Variants in NTRK2 observed in about 807,000 individuals in gnomAD.
NTRK2 encodes BDNF/NT-3 growth factors receptor.
In NTRK2, 13 loss-of-function variants were observed where a neutral mutation model predicts 94.5. That is an observed-to-expected ratio of 0.14 (90% confidence interval 0.09 to 0.22). The LOEUF (loss-of-function observed/expected upper bound fraction) is 0.22, where lower values mean the gene tolerates loss of function less well. Among genes scored for constraint, NTRK2 ranks in the 10% least tolerant of loss-of-function variants. The pLI is 1.00. For synonymous variants in NTRK2, 372 were observed against 407.4 expected (o/e 0.91, Z 1.05); for missense variants, 639 against 1,071.2 (o/e 0.60, Z 5.63).
chr9:84,675,955 A>G (rs1045972196), intron 2 of NTRK2, among the ~76,000 whole-genome samples: 1 of 152,184 alleles, frequency 6.6e-6, no homozygotes, highest in Non-Finnish European at 1.5e-5. Flanking sequence ...GATCTGGGAG[A>G]TGGATGAGTG....
chr9:84,763,407 T>G (rs1259558229), intron 12 of NTRK2, among the ~76,000 whole-genome samples: 1 of 152,186 alleles, frequency 6.6e-6, no homozygotes, highest in African/African-American at 2.4e-5. Flanking sequence ...AAAATGATTT[T>G]TTCTGATTTC....
chr9:84,786,999 A>T (rs977977418), intron 12 of NTRK2, among the ~76,000 whole-genome samples: 12 of 148,192 alleles, frequency 8.1e-5, no homozygotes, highest in Admixed American at 1.3e-4. Context: ...AATGCAGATT[A>T]AAAAAAATGA....
At chr9:84,788,754 C>G (rs1588610517) in intron 12 of NTRK2, among the ~76,000 whole-genome samples, 1 of 151,988 alleles carries the variant, frequency 6.6e-6, no homozygotes, top group East Asian at 1.9e-4. Flanking sequence ...TGGGATGGGC[C>G]TAAAGTGGAT....
At chr9:84,976,510 G>A (rs535901372) in intron 17 of NTRK2, among the ~76,000 whole-genome samples, 20 of 152,304 alleles carry the variant, frequency 1.3e-4, no homozygotes, top group East Asian at 3.9e-4. Context: ...CTGAATTACC[G>A]TAGTGCTAGA....
At chr9:84,968,609 A>C (rs1825836541) in intron 17 of NTRK2, among the ~76,000 whole-genome samples, 1 of 152,166 alleles carries the variant, frequency 6.6e-6, no homozygotes, top group Non-Finnish European at 1.5e-5. Context: ...GGCAGACAGC[A>C]GACTTGGATT....
intron 14 of NTRK2, among the ~76,000 whole-genome samples, chr9:84,908,481 GC>G (rs1379959923): frequency 6.6e-6 from 1 of 152,058 alleles, no homozygotes; most frequent in Non-Finnish European, 1.5e-5. Flanking sequence ...AGATCTAATT[GC>G]TTTTTTAATG....
chr9:84,820,739 C>T (rs914524319), intron 12 of NTRK2, among the ~76,000 whole-genome samples: 14 of 152,246 alleles, frequency 9.2e-5, no homozygotes, highest in African/African-American at 1.4e-4. Flanking sequence ...GTGTGTATGT[C>T]GGCCAGTGAG....
At chr9:84,681,793 T>G (rs1285705165) in intron 2 of NTRK2, among the ~76,000 whole-genome samples, 1 of 152,182 alleles carries the variant, frequency 6.6e-6, no homozygotes, top group Non-Finnish European at 1.5e-5. Flanking sequence ...CAGTGTCTCT[T>G]AAAATAATGC....
At chr9:84,757,522 G>T (rs1271446726) in intron 12 of NTRK2, among the ~76,000 whole-genome samples, 2 of 152,160 alleles carry the variant, frequency 1.3e-5, no homozygotes, top group African/African-American at 4.8e-5. Context: ...CAGGCTACTT[G>T]GATCTGAAAC....
At chr9:84,706,300 C>T (rs1369083519) in intron 4 of NTRK2, among the ~76,000 whole-genome samples, 1 of 151,994 alleles carries the variant, frequency 6.6e-6, no homozygotes, top group Non-Finnish European at 1.5e-5. Context: ...AGTGGACACA[C>T]ACATTCATGA....
intron 14 of NTRK2, among the ~76,000 whole-genome samples, chr9:84,886,226 A>G (rs1212547656): frequency 6.6e-6 from 1 of 152,220 alleles, no homozygotes. Context: ...GCAGTGCCAC[A>G]CAAAGAAATT....
intron 12 of NTRK2, chr9:84,813,564 C>T (rs200205697): frequency 2.6e-4 from 282 of 1,065,296 alleles, no homozygotes; most frequent in Middle Eastern, 4.1e-4. Flanking sequence ...AGTTTAACAG[C>T]CCAGTTATCT....
At chr9:84,813,404 A>G in intron 12 of NTRK2, 1 of 1,063,256 alleles carries the variant, frequency 9.4e-7, no homozygotes, top group Non-Finnish European at 1.1e-6. Context: ...GTAAGCCAAC[A>G]AAAGTCTGTG....
intron 17 of NTRK2, among the ~76,000 whole-genome samples, chr9:84,999,329 T>C (rs1159920418): frequency 1.3e-5 from 2 of 152,236 alleles, no homozygotes; most frequent in Non-Finnish European, 2.9e-5. Flanking sequence ...AAAGCCTCTC[T>C]CTTTTTGTAT....
At chr9:85,016,118 A>G (rs1460886007) in intron 17 of NTRK2, among the ~76,000 whole-genome samples, 3 of 152,142 alleles carry the variant, frequency 2.0e-5, no homozygotes, top group Non-Finnish European at 4.4e-5. Context: ...ATGGATGATT[A>G]CGGTGGCACT....
At chr9:84,909,629 T>G (rs556753355) in intron 14 of NTRK2, among the ~76,000 whole-genome samples, 12 of 152,286 alleles carry the variant, frequency 7.9e-5, no homozygotes, top group Non-Finnish European at 1.5e-4. Context: ...GCCATTCTGA[T>G]AGGTATGTAA....
chr9:84,706,547 T>TTTTTGG (rs2061102939), intron 4 of NTRK2, among the ~76,000 whole-genome samples: 1 of 145,124 alleles, frequency 6.9e-6, no homozygotes. Flanking sequence ...TTTTTTTTTT[T>TTTTTGG]GAGACGGAGT....
chr9:84,800,546 G>A (rs905520846), intron 12 of NTRK2, among the ~76,000 whole-genome samples: 3 of 152,152 alleles, frequency 2.0e-5, no homozygotes, highest in Non-Finnish European at 4.4e-5. Context: ...TTCCTCAGTC[G>A]AGGAATGCAG....
rs952779802 is a variant in NTRK2, at chr9:85,024,861, A to T, written c.*3424A>T. On this transcript the variant is annotated 3_prime_UTR_variant, in exon 19 of 19. Coordinates refer to ENST00000277120, the MANE Select transcript of NTRK2 (RefSeq NM_006180.6). ...AAAAGATTATATCAGAATTCATATT[A>T]TACATGTGTTCACATCAGCGCTACC... is the stretch of plus-strand genomic sequence containing the variant. 1 of 232,922 alleles carries T rather than the reference A, an allele frequency of 4.3e-6. No homozygotes were observed. Among genetic ancestry groups the T allele is most frequent in the African/African-American group, 2.2e-5 (1 of 45,348 alleles). 14.4% of individuals were successfully genotyped at this position (232,922 alleles called of 1,614,324 possible). A position where few individuals can be genotyped will look rare whatever the true frequency, so the allele number is the denominator to read the frequency against.
Sources: gnomAD v4.1 joint callset for allele counts (sites outside exome capture counted in the v4.1 genomes callset) on GRCh38, gnomAD v4.1.1 for gene constraint, MANE v1.5 for transcripts, NCBI Gene and HGNC (gene_info 2026-07-23, HGNC 2026-07-21) for gene names.